COL28A1: variants seen among roughly 807,000 people sequenced by gnomAD.
The protein encoded by COL28A1 is collagen alpha-1(XXVIII) chain.
COL28A1 carries 161 observed loss-of-function variants against 150.2 expected under a neutral mutation model. The observed-to-expected ratio is 1.07, with a 90% CI of 0.94 to 1.22. The LOEUF is 1.22. Among genes scored for constraint, COL28A1 ranks in the 50% most tolerant of loss-of-function variants. The pLI, the probability that COL28A1 is intolerant of heterozygous loss-of-function variation, is 0.00. For missense variants in COL28A1, 1,617 were observed against 1,388.3 expected (o/e 1.16, Z -2.62); for synonymous variants, 552 against 469.7 (o/e 1.18, Z -2.26).
intron 27 of COL28A1, among the ~76,000 whole-genome samples, chr7:7,398,852 G>A (rs1358588383): frequency 6.6e-6 from 1 of 152,178 alleles, no homozygotes; most frequent in Non-Finnish European, 1.5e-5. Flanking sequence ...CCTCCTGAGT[G>A]TTTAGTGGTT....
the COL28A1 span, among the ~76,000 whole-genome samples, chr7:7,541,764 T>C: frequency 6.6e-6 from 1 of 152,156 alleles, no homozygotes; most frequent in Admixed American, 6.5e-5. Flanking sequence ...AAACTACTCT[T>C]ATATAGGATC....
intron 25 of COL28A1, among the ~76,000 whole-genome samples, chr7:7,430,811 G>C (rs901771002): frequency 5.9e-5 from 9 of 151,978 alleles, no homozygotes; most frequent in Non-Finnish European, 1.3e-4. Context: ...GAATACATCA[G>C]TACCCAAATT....
chr7:7,347,783 A>G, the COL28A1 span, among the ~76,000 whole-genome samples: 1 of 152,100 alleles, frequency 6.6e-6, no homozygotes, highest in Admixed American at 6.6e-5. Context: ...AACAAGCCCA[A>G]CCTAATATGT....
chr7:7,417,886 G>GGGGCCAGGA lies in COL28A1; in HGVS notation c.2100_2108dup (p.Pro703_Gly705dup), dbSNP rs1784191618. ...TAATTCCCTGTGATCCATAGCCAGG[G>GGGGCCAGGA]GGGCCAGGAGGGCCAGGCAAGCCTT... is the stretch of plus-strand genomic sequence containing the variant. On this transcript the variant is annotated inframe_insertion, in exon 27 of 35. Transcript: ENST00000399429. The GGGGCCAGGA allele has an allele frequency of 5.0e-6, 8 of 1,613,396 alleles. No homozygotes were observed. The East Asian group carries it at 1.8e-4, about 36-fold the overall frequency.
At chr7:7,522,754 AATTG>A (rs1474420660) in intron 4 of COL28A1, among the ~76,000 whole-genome samples, 2 of 146,052 alleles carry the variant, frequency 1.4e-5, no homozygotes, top group Admixed American at 6.9e-5. Flanking sequence ...GAAGAAGAAG[AATTG>A]CCTTGGGCCA....
chr7:7,487,144 TTTCA>T (rs1779668842), intron 13 of COL28A1, among the ~76,000 whole-genome samples: 1 of 149,778 alleles, frequency 6.7e-6, no homozygotes, highest in African/African-American at 2.5e-5. Flanking sequence ...GCTTAAAATA[TTTCA>T]TTATTTAAAA....
chr7:7,523,587 C>T (rs1781861293), intron 4 of COL28A1, among the ~76,000 whole-genome samples: 1 of 152,032 alleles, frequency 6.6e-6, no homozygotes, highest in African/African-American at 2.4e-5. Flanking sequence ...TGTAAATTTC[C>T]TGATGTTAAA....
intron 21 of COL28A1, among the ~76,000 whole-genome samples, chr7:7,438,144 C>T (rs775143588): frequency 2.6e-5 from 4 of 151,964 alleles, no homozygotes; most frequent in Non-Finnish European, 5.9e-5. Flanking sequence ...CCCAGCTACT[C>T]AAGAGGCTGA....
intron 15 of COL28A1, among the ~76,000 whole-genome samples, chr7:7,464,304 C>T (rs985991869): frequency 6.6e-6 from 1 of 152,154 alleles, no homozygotes; most frequent in Non-Finnish European, 1.5e-5. Context: ...TACCCTGGAA[C>T]AAACGGACTT....
intron 33 of COL28A1, among the ~76,000 whole-genome samples, chr7:7,363,803 T>A (rs1780796260): frequency 6.6e-6 from 1 of 152,164 alleles, no homozygotes; most frequent in African/African-American, 2.4e-5. Flanking sequence ...ACATTTATTA[T>A]TATTATTTTG....
At position 7,519,276 on chromosome 7, in the gene COL28A1, C is replaced by T. The variant is rs567844090; in HGVS notation, c.813+786G>A. ...AGATCTCATGTGACTTACTCACTATCACAAGAACAGCATGGGAAAGACCCG... is the reference window on the plus strand; with the variant it reads ...AGATCTCATGTGACTTACTCACTATTACAAGAACAGCATGGGAAAGACCCG... On this transcript the variant is annotated intron_variant, in intron 6 of 34. Transcript: ENST00000399429. Among the ~76,000 whole-genome samples the T allele has an allele frequency of 1.7e-3, 256 of 152,288 alleles. 2 individuals are homozygous for T. Among genetic ancestry groups the T allele is most frequent in the African/African-American group, 5.8e-3 (243 of 41,568 alleles).
At chr7:7,507,715 T>C (rs1034901770) in intron 9 of COL28A1, among the ~76,000 whole-genome samples, 3 of 152,052 alleles carry the variant, frequency 2.0e-5, no homozygotes, top group Non-Finnish European at 4.4e-5. Flanking sequence ...ATTTCCACTT[T>C]TTTTTTTTGC....
chr7:7,466,436 C>A (rs2128342747), intron 15 of COL28A1, among the ~76,000 whole-genome samples: 1 of 125,948 alleles, frequency 7.9e-6, no homozygotes, highest in Non-Finnish European at 1.7e-5. Context: ...AGCAAAGCCT[C>A]CAAGAAATAT....
intron 27 of COL28A1, among the ~76,000 whole-genome samples, chr7:7,404,378 G>A (rs1583300863): frequency 6.6e-6 from 1 of 151,902 alleles, no homozygotes; most frequent in Non-Finnish European, 1.5e-5. Flanking sequence ...CCAGCAAATG[G>A]CTCCCCATTT....
intron 15 of COL28A1, among the ~76,000 whole-genome samples, chr7:7,461,807 C>T (rs1041575074): frequency 5.9e-5 from 9 of 152,160 alleles, no homozygotes; most frequent in African/African-American, 1.4e-4. Context: ...CCCTATCCAC[C>T]CTGGTAACTG....
intron 13 of COL28A1, among the ~76,000 whole-genome samples, chr7:7,477,955 C>CA (rs1419956436): frequency 6.6e-6 from 1 of 152,076 alleles, no homozygotes; most frequent in Non-Finnish European, 1.5e-5. Flanking sequence ...CTGAGCTAGA[C>CA]ACCAAAGTTC....
intron 15 of COL28A1, among the ~76,000 whole-genome samples, chr7:7,460,289 T>C (rs1186491792): frequency 1.3e-5 from 2 of 152,118 alleles, no homozygotes. Flanking sequence ...CTTAAATGAG[T>C]TTTCTGATTT....
intron 33 of COL28A1, among the ~76,000 whole-genome samples, chr7:7,364,192 ACCTTTAGT>A (rs1780816310): frequency 1.3e-5 from 2 of 152,190 alleles, no homozygotes; most frequent in African/African-American, 4.8e-5. Context: ...GTAGAATTTA[ACCTTTAGT>A]CCTATCCTAT....
At chr7:7,518,199 C>T (rs540059553) in intron 6 of COL28A1, among the ~76,000 whole-genome samples, 1 of 152,072 alleles carries the variant, frequency 6.6e-6, no homozygotes, top group African/African-American at 2.4e-5. Flanking sequence ...CCAAAATGTC[C>T]TCAAGAGTGA....
Sources: gnomAD v4.1 joint callset for allele counts (sites outside exome capture counted in the v4.1 genomes callset) on GRCh38, gnomAD v4.1.1 for gene constraint, MANE v1.5 for transcripts, NCBI Gene and HGNC (gene_info 2026-07-23, HGNC 2026-07-21) for gene names.